Variants in FOCAD observed in about 807,000 individuals in gnomAD.
The protein encoded by FOCAD is focadhesin.
In FOCAD, 198 loss-of-function variants were observed where a neutral mutation model predicts 225.6. That is an observed-to-expected ratio of 0.88 (90% CI 0.78 to 0.99). FOCAD has a LOEUF of 0.99. Ranked by LOEUF, FOCAD falls within the 50% of genes least tolerant of loss-of-function variation. The pLI, the probability that FOCAD is intolerant of heterozygous loss-of-function variation, is 0.00. For synonymous variants in FOCAD, 897 were observed against 755.0 expected (o/e 1.19, Z -3.08); for missense variants, 2,713 against 2,123.6 (o/e 1.28, Z -5.46).
At chr9:20,950,923 T>A (rs140073298) in intron 33 of FOCAD, 73 bp from the exon 34 acceptor site, 1 of 1,331,224 alleles carries the variant, frequency 7.5e-7, no homozygotes, top group Admixed American at 1.7e-5. Flanking sequence ...CTGGTGACTT[T>A]CTGTGAGTGA....
intron 22 of FOCAD, among the ~76,000 whole-genome samples, chr9:20,912,590 A>G (rs1470046915): frequency 6.6e-6 from 1 of 152,138 alleles, no homozygotes; most frequent in Non-Finnish European, 1.5e-5. Context: ...GGTCTCTGAA[A>G]TTCAAATTTG....
intron 1 of FOCAD, among the ~76,000 whole-genome samples, chr9:20,685,377 C>G (rs1384893067): frequency 1.3e-5 from 2 of 152,008 alleles, no homozygotes; most frequent in Non-Finnish European, 2.9e-5. Flanking sequence ...TGGCATGTTT[C>G]CTGAACTGTG....
rs185556230 is a variant in FOCAD, at chr9:20,862,700, A to C, written c.2043A>C (p.Thr681=). The change falls in exon 16 of 44, where the codon ACA becomes ACC. Residue 681 remains threonine (T), a synonymous_variant. Transcript: ENST00000338382. ...TAGTTCCTTCCTTAACGGTCAATAC[A>C]ACTGAATATGAGGTATGCATTTGGA... ...FSLVPSLTVN[T]TEYENFKVQV... The C allele has an allele frequency of 1.5e-5, 24 of 1,612,474 alleles. No homozygotes were observed. In the Admixed American group the frequency reaches 3.8e-4, roughly 26 times the overall value.
At chr9:20,923,627 G>C in intron 24 of FOCAD, 33 bp from the exon 25 acceptor site, 1 of 1,564,126 alleles carries the variant, frequency 6.4e-7, no homozygotes. Context: ...TAATACCAAA[G>C]TTCTCTGTTG....
chr9:20,677,883 T>C (rs1448000966), intron 2 of FOCAD, among the ~76,000 whole-genome samples: 1 of 152,228 alleles, frequency 6.6e-6, no homozygotes, highest in Non-Finnish European at 1.5e-5. Context: ...ATCTGCACTT[T>C]TGTTCACTGC....
upstream of FOCAD, among the ~76,000 whole-genome samples, chr9:20,658,072 C>T (rs1334351061): frequency 2.0e-5 from 3 of 148,684 alleles, no homozygotes; most frequent in East Asian, 2.0e-4. Flanking sequence ...TGGGGGGTGC[C>T]TCCCAGTTAG....
chr9:20,828,557 T>C (rs1383111477), intron 15 of FOCAD, among the ~76,000 whole-genome samples: 1 of 152,122 alleles, frequency 6.6e-6, no homozygotes, highest in Non-Finnish European at 1.5e-5. Flanking sequence ...ACCAGCATTG[T>C]AAGAAGGTTC....
In FOCAD at chr9:20,747,386, A is replaced by G. The variant is rs2131710982; in HGVS notation, c.392+7046A>G. 1.3e-5 allele frequency among the ~76,000 whole-genome samples: 2 copies of G among 152,276 alleles called. 1 individual carries two copies. The highest frequency in any genetic ancestry group is 4.1e-4 in the South Asian group (2 of 4,828). On this transcript the variant is annotated intron_variant, in intron 5 of 43. Coordinates refer to ENST00000338382, the MANE Select transcript of FOCAD (RefSeq NM_001375567.1). ...GCTGATAAATGTGCTTTCTAAAATT[A>G]AAAATAGTATGTGGCTGAGTTAAGT...
chr9:20,725,321 A>G (rs983421731), intron 4 of FOCAD, among the ~76,000 whole-genome samples: 5 of 152,212 alleles, frequency 3.3e-5, no homozygotes, highest in Non-Finnish European at 1.5e-5. Flanking sequence ...CACTTTGGGA[A>G]CTGAGACACA....
At chr9:20,824,181 A>C (rs540757291) in intron 15 of FOCAD, among the ~76,000 whole-genome samples, 1 of 152,120 alleles carries the variant, frequency 6.6e-6, no homozygotes, top group Non-Finnish European at 1.5e-5. Context: ...CACATGCCCA[A>C]GGACATTTGA....
chr9:20,891,269 A>C (rs746405772), intron 21 of FOCAD, among the ~76,000 whole-genome samples: 1 of 152,196 alleles, frequency 6.6e-6, no homozygotes, highest in Non-Finnish European at 1.5e-5. Context: ...AATTAGGCCA[A>C]TTAATAACTA....
intron 37 of FOCAD, among the ~76,000 whole-genome samples, chr9:20,980,686 C>CA (rs1423001181): frequency 1.3e-5 from 2 of 152,164 alleles, no homozygotes; most frequent in Admixed American, 6.5e-5. Context: ...AAATAGCACA[C>CA]AAAAAAGTTT....
At chr9:20,761,036 A>T (rs1261052609) in intron 6 of FOCAD, among the ~76,000 whole-genome samples, 1 of 151,808 alleles carries the variant, frequency 6.6e-6, no homozygotes, top group East Asian at 1.9e-4. Context: ...GGGGCGTTAC[A>T]ATTATTATTA....
At chr9:20,880,437 G>T (rs566290233) in intron 19 of FOCAD, among the ~76,000 whole-genome samples, 3 of 152,178 alleles carry the variant, frequency 2.0e-5, no homozygotes, top group Non-Finnish European at 2.9e-5. Context: ...TGACTTCACT[G>T]TTTTCACCCT....
chr9:20,859,672 CAT>C (rs1317792486), intron 15 of FOCAD, among the ~76,000 whole-genome samples: 1 of 145,026 alleles, frequency 6.9e-6, no homozygotes, highest in African/African-American at 2.5e-5. Flanking sequence ...AAGTTTAAAG[CAT>C]ATATATATAG....
rs149760366 is a variant in FOCAD, at chr9:20,740,324, A to G, written c.376A>G (p.Ser126Gly). 2.3e-4 allele frequency: 373 copies of G among 1,601,346 alleles called. 3 individuals carry two copies. The East Asian group carries it at 8.1e-3, about 35-fold the overall frequency. Reference sequence around the variant, plus strand: ...ACAAGGTGGGGAAAAGAATATTCAGAGTATATATACCATTAGGTAAGCCTT... The same window carrying G: ...ACAAGGTGGGGAAAAGAATATTCAGGGTATATATACCATTAGGTAAGCCTT... Reference protein sequence around the residue: ...EGQGGEKNIQSIYTIRNHPHP... With the variant: ...EGQGGEKNIQGIYTIRNHPHP... The change falls in exon 5 of 44, where the codon AGT (serine) becomes GGT (glycine). Residue 126 changes from serine (S) to glycine (G), a missense_variant. Ser to Gly is a moderately conservative substitution (Grantham distance 56). Transcript: ENST00000338382.
At chr9:20,707,365 ACTTTC>A (rs1824476072) in intron 1 of FOCAD, among the ~76,000 whole-genome samples, 1 of 149,546 alleles carries the variant, frequency 6.7e-6, no homozygotes, top group Non-Finnish European at 1.5e-5. Flanking sequence ...ATTGTTGAAA[ACTTTC>A]AATTTTTATG....
intron 15 of FOCAD, among the ~76,000 whole-genome samples, chr9:20,855,364 A>C (rs1172436743): frequency 6.6e-6 from 1 of 151,698 alleles, no homozygotes; most frequent in Non-Finnish European, 1.5e-5. Context: ...AAGGCAGATC[A>C]TGAAAAACCT....
intron 27 of FOCAD, 113 bp from the exon 28 acceptor site, chr9:20,932,901 A>G: frequency 1.4e-6 from 1 of 703,694 alleles, no homozygotes; most frequent in Non-Finnish European, 2.3e-6. Flanking sequence ...TTTTTTTTTT[A>G]AGAGAAATGC....
Sources: gnomAD v4.1 joint callset for allele counts (sites outside exome capture counted in the v4.1 genomes callset) on GRCh38, gnomAD v4.1.1 for gene constraint, MANE v1.5 for transcripts, NCBI Gene and HGNC (gene_info 2026-07-23, HGNC 2026-07-21) for gene names.